CACNB2: variants seen among roughly 807,000 people sequenced by gnomAD.
CACNB2 encodes the protein voltage-dependent L-type calcium channel subunit beta-2.
CACNB2 carries 42 observed loss-of-function variants against 73.3 expected under a neutral mutation model. That is an observed-to-expected ratio of 0.57 (90% confidence interval 0.45 to 0.74). The LOEUF (loss-of-function observed/expected upper bound fraction) is 0.74, where lower values mean the gene tolerates loss of function less well. CACNB2 is among the 30% of genes least tolerant of loss of function. The pLI, the probability that CACNB2 is intolerant of heterozygous loss-of-function variation, is 0.00. For synonymous variants in CACNB2, 348 were observed against 310.3 expected, an observed-to-expected ratio of 1.12 and a Z score of -1.28; for missense variants, 940 against 853.0, an observed-to-expected ratio of 1.10 and a Z score of -1.27.
intron 3 of CACNB2, among the ~76,000 whole-genome samples, chr10:18,434,793 TA>T (rs1267863699): frequency 6.6e-6 from 1 of 151,974 alleles, no homozygotes; most frequent in Non-Finnish European, 1.5e-5. Flanking sequence ...CAGAAAAAAA[TA>T]AATTACAAGA....
At chr10:18,157,309 G>C (rs932307795) in intron 2 of CACNB2, among the ~76,000 whole-genome samples, 6 of 152,180 alleles carry the variant, frequency 3.9e-5, no homozygotes, top group Non-Finnish European at 2.9e-5. Context: ...CTGAATTCTG[G>C]CTTTGCTATT....
chr10:18,170,212 G>A (rs2033133088), intron 2 of CACNB2, among the ~76,000 whole-genome samples: 1 of 152,180 alleles, frequency 6.6e-6, no homozygotes, highest in Admixed American at 6.5e-5. Context: ...GAGGAGGGGT[G>A]TTCCTTCTCA....
At chr10:18,410,478 T>C (rs1437527597) in intron 3 of CACNB2, among the ~76,000 whole-genome samples, 2 of 151,806 alleles carry the variant, frequency 1.3e-5, no homozygotes, top group Non-Finnish European at 2.9e-5. Context: ...TGAACATGTT[T>C]ACGTCCCATC....
Position 18,240,539 on chromosome 10 carries a change from C to T in CACNB2, c.213+89564C>T, listed in dbSNP as rs142186532. 9.5e-4 allele frequency among the ~76,000 whole-genome samples: 145 copies of T among 152,306 alleles called. 1 individual carries two copies. Among genetic ancestry groups the T allele is most frequent in the Middle Eastern group, 3.4e-3 (1 of 294 alleles). ...AGAACAAATCCAACTTCTTTCTTGACATCTCCTCTTGGTTTTCTCAAAAAC... is the reference window on the plus strand; with the variant it reads ...AGAACAAATCCAACTTCTTTCTTGATATCTCCTCTTGGTTTTCTCAAAAAC... On this transcript the variant is annotated intron_variant, in intron 2 of 13. Transcript: ENST00000324631.
At chr10:18,525,341 G>T (rs753209618) in intron 9 of CACNB2, among the ~76,000 whole-genome samples, 1 of 152,004 alleles carries the variant, frequency 6.6e-6, no homozygotes, top group African/African-American at 2.4e-5. Context: ...CCTAGGAAGG[G>T]TATATACATG....
intron 2 of CACNB2, among the ~76,000 whole-genome samples, chr10:18,384,086 A>T (rs1335873911): frequency 1.3e-5 from 2 of 152,182 alleles, no homozygotes; most frequent in Non-Finnish European, 2.9e-5. Flanking sequence ...TAAAAAGTGC[A>T]TCCAGAAGCA....
At chr10:18,510,201 C>T (rs2050691510) in intron 6 of CACNB2, among the ~76,000 whole-genome samples, 1 of 152,188 alleles carries the variant, frequency 6.6e-6, no homozygotes, top group South Asian at 2.1e-4. Flanking sequence ...GATATCCAGC[C>T]CTCATGTCCA....
In CACNB2 at chr10:18,307,983, CT is replaced by C. The variant is rs869311555; in HGVS notation, c.214-93914del. Among the ~76,000 whole-genome samples, 378 of 70,170 alleles carry C rather than the reference CT, an allele frequency of 5.4e-3. 3 individuals carry two copies. The highest frequency in any genetic ancestry group is 7.6e-3 in the Non-Finnish European group (280 of 36,644). 46.0% of individuals were successfully genotyped at this position (70,170 alleles called of 152,430 possible). ...TTAAGTCTAAAATAATATATGCCAA[CT>C]TTTTTTTTTTTTTTTTTTTTTTTTT... On this transcript the variant is annotated intron_variant, in intron 2 of 13. Transcript: ENST00000324631.
chr10:18,402,944 C>G (rs2044085389), intron 3 of CACNB2, among the ~76,000 whole-genome samples: 1 of 152,164 alleles, frequency 6.6e-6, no homozygotes, highest in Non-Finnish European at 1.5e-5. Flanking sequence ...TGAGTAAAAT[C>G]TATGTGTGTT....
At chr10:18,363,673 G>C (rs1052641188) in intron 2 of CACNB2, among the ~76,000 whole-genome samples, 18 of 152,128 alleles carry the variant, frequency 1.2e-4, no homozygotes, top group Admixed American at 4.6e-4. Flanking sequence ...GTGGCCAAAG[G>C]AAGTGTCTGA....
intron 2 of CACNB2, among the ~76,000 whole-genome samples, chr10:18,392,233 G>A (rs998610690): frequency 1.3e-5 from 2 of 151,832 alleles, no homozygotes; most frequent in African/African-American, 4.8e-5. Flanking sequence ...GGAAGAGGAC[G>A]TTACTAACAA....
At chr10:18,240,925 G>C (rs2036625823) in intron 2 of CACNB2, among the ~76,000 whole-genome samples, 1 of 152,064 alleles carries the variant, frequency 6.6e-6, no homozygotes, top group African/African-American at 2.4e-5. Context: ...TCTTTTCCCA[G>C]TGAAAAGAAA....
chr10:18,250,347 G>T (rs2037039529), intron 2 of CACNB2, among the ~76,000 whole-genome samples: 1 of 152,198 alleles, frequency 6.6e-6, no homozygotes, highest in African/African-American at 2.4e-5. Flanking sequence ...CACTCAACGG[G>T]CTTCATCCAT....
chr10:18,490,942 T>A (rs1172900805), intron 3 of CACNB2, among the ~76,000 whole-genome samples: 1 of 152,168 alleles, frequency 6.6e-6, no homozygotes, highest in Non-Finnish European at 1.5e-5. Context: ...ACATTTGGCC[T>A]TGGGATCTGG....
At chr10:18,194,136 C>G (rs971960751) in intron 2 of CACNB2, among the ~76,000 whole-genome samples, 5 of 152,134 alleles carry the variant, frequency 3.3e-5, no homozygotes, top group Non-Finnish European at 7.3e-5. Flanking sequence ...TGCCTCTGAG[C>G]TCACTGCTGT....
intron 2 of CACNB2, among the ~76,000 whole-genome samples, chr10:18,334,403 C>T (rs188819028): frequency 2.8e-4 from 43 of 152,262 alleles, no homozygotes; most frequent in Admixed American, 1.1e-3. Context: ...GGTTTTTCTC[C>T]TCCTGCATTT....
chr10:18,527,250 C>A (rs1416058680), intron 9 of CACNB2, among the ~76,000 whole-genome samples: 1 of 152,066 alleles, frequency 6.6e-6, no homozygotes, highest in African/African-American at 2.4e-5. Flanking sequence ...GTGGCACACA[C>A]CTGTAGTCCC....
Position 18,244,381 on chromosome 10 carries a change from C to T in CACNB2, c.213+93406C>T, listed in dbSNP as rs2036780997. 3.3e-5 allele frequency among the ~76,000 whole-genome samples: 5 copies of T among 152,208 alleles called. No individual in the cohort carries two copies. The South Asian group carries it at 1.0e-3, about 31-fold the overall frequency. On this transcript the variant is annotated intron_variant, in intron 2 of 13. Coordinates refer to ENST00000324631, the MANE Select transcript of CACNB2 (RefSeq NM_201596.3). Reference sequence around the variant, plus strand: ...CTAAAATTAGAATCATCAACCGCTTCTCAACTACCATATGTCAGTGATTAT... The same window carrying T: ...CTAAAATTAGAATCATCAACCGCTTTTCAACTACCATATGTCAGTGATTAT...
intron 2 of CACNB2, among the ~76,000 whole-genome samples, chr10:18,161,212 T>C (rs963026612): frequency 2.6e-5 from 4 of 152,242 alleles, no homozygotes; most frequent in Non-Finnish European, 4.4e-5. Flanking sequence ...TGCCATTGCC[T>C]TGGCCATCTG....
Sources: allele counts gnomAD v4.1 joint callset (sites outside exome capture counted in the v4.1 genomes callset), GRCh38; gene constraint gnomAD v4.1.1; transcripts MANE v1.5; gene names NCBI Gene and HGNC (gene_info 2026-07-23, HGNC 2026-07-21).